The following ACYP2 variants were observed in gnomAD, a reference collection of about 807,000 sequenced individuals.
The protein encoded by ACYP2 is acylphosphatase 2, also known as acylphosphatase-2.
A neutral mutation model predicts 11.2 loss-of-function variants in ACYP2; 12 were observed. The observed-to-expected ratio is 1.08, with a 90% CI of 0.69 to 1.74. The LOEUF (loss-of-function observed/expected upper bound fraction) is 1.74, where lower values mean the gene tolerates loss of function less well. Among genes scored for constraint, ACYP2 ranks in the 40% most tolerant of loss-of-function variants. The pLI is 0.00. For synonymous variants in ACYP2, 43 were observed against 32.2 expected (o/e 1.33, Z -1.13); for missense variants, 134 against 101.9 (o/e 1.31, Z -1.35).
At chr2:54,211,483 A>C (rs1020674806) in intron 6 of ACYP2, among the ~76,000 whole-genome samples, 1 of 152,196 alleles carries the variant, frequency 6.6e-6, no homozygotes, top group African/African-American at 2.4e-5. Flanking sequence ...AATCCCATCT[A>C]CTTGGTATCC....
At chr2:54,177,462 C>G (rs748256544) in intron 6 of ACYP2, among the ~76,000 whole-genome samples, 7 of 152,160 alleles carry the variant, frequency 4.6e-5, no homozygotes, top group South Asian at 4.1e-4. Flanking sequence ...TGGGGTGCTT[C>G]ATCAGCTCCC....
intron 6 of ACYP2, among the ~76,000 whole-genome samples, chr2:54,248,703 C>T (rs896759565): frequency 8.6e-5 from 13 of 151,900 alleles, no homozygotes; most frequent in Non-Finnish European, 1.6e-4. Flanking sequence ...TACTCATCAC[C>T]GAAGAAAAGA....
chr2:54,117,064 G>A (rs1341599158), intron 4 of ACYP2, among the ~76,000 whole-genome samples: 1 of 152,050 alleles, frequency 6.6e-6, no homozygotes, highest in Non-Finnish European at 1.5e-5. Context: ...CTAGAGGCGA[G>A]GAGAACGAGG....
At chr2:54,113,178 T>C (rs1237658962) in intron 4 of ACYP2, among the ~76,000 whole-genome samples, 1 of 152,154 alleles carries the variant, frequency 6.6e-6, no homozygotes, top group Non-Finnish European at 1.5e-5. Context: ...AATGCTATTA[T>C]ACTGTATTGT....
At chr2:54,144,158 A>C (rs990937287) in intron 6 of ACYP2, among the ~76,000 whole-genome samples, 1 of 151,772 alleles carries the variant, frequency 6.6e-6, no homozygotes, top group Non-Finnish European at 1.5e-5. Context: ...TTTTTTGTGG[A>C]GGTGAGGTCT....
At chr2:54,130,814 A>G (rs1367244842) in intron 4 of ACYP2, among the ~76,000 whole-genome samples, 1 of 152,160 alleles carries the variant, frequency 6.6e-6, no homozygotes, top group Non-Finnish European at 1.5e-5. Context: ...GCCTTTGAGC[A>G]TGCTCTCCTA....
chr2:54,115,569 T>C, intron 4 of ACYP2, 46 bp from the exon 1 acceptor site: 1 of 1,529,248 alleles, frequency 6.5e-7, no homozygotes, highest in Non-Finnish European at 8.8e-7. Context: ...CCCGGCGCGC[T>C]AGCGTCCGGG....
At chr2:54,047,091 A>G (rs1222304460) in intron 2 of ACYP2, among the ~76,000 whole-genome samples, 3 of 152,236 alleles carry the variant, frequency 2.0e-5, no homozygotes, top group African/African-American at 4.8e-5. Flanking sequence ...AAAGGCACCA[A>G]GGCACTAAGG....
intron 3 of ACYP2, among the ~76,000 whole-genome samples, chr2:54,054,171 C>T (rs1292288551): frequency 6.6e-6 from 1 of 152,128 alleles, no homozygotes; most frequent in African/African-American, 2.4e-5. Context: ...GGGTTTAAGA[C>T]GTTTGCTAGA....
intron 4 of ACYP2, among the ~76,000 whole-genome samples, chr2:54,058,070 T>C (rs1478091297): frequency 6.6e-6 from 1 of 152,166 alleles, no homozygotes; most frequent in African/African-American, 2.4e-5. Context: ...TATTGGTCCC[T>C]GAGGGAGGTA....
chr2:54,207,350 A>G lies in ACYP2; in HGVS notation c.404+68602A>G, dbSNP rs559020620. On this transcript the variant is annotated intron_variant, in intron 6 of 6. Coordinates refer to ENST00000607452, the MANE Select transcript of ACYP2 (RefSeq NM_001320586.2). ...AAGCCTGGAAATGGTTAGAACTTCTATGTTGTAGTCTGGAGGCAGAATTTC... is the reference window on the plus strand; with the variant it reads ...AAGCCTGGAAATGGTTAGAACTTCTGTGTTGTAGTCTGGAGGCAGAATTTC... Among the ~76,000 whole-genome samples, 19 of 152,210 alleles carry G rather than the reference A, an allele frequency of 1.2e-4. No individual in the cohort carries two copies. In the East Asian group the frequency reaches 1.4e-3, roughly 11 times the overall value.
chr2:53,980,736 G>A (rs891862393), intron 2 of ACYP2, among the ~76,000 whole-genome samples: 2 of 151,498 alleles, frequency 1.3e-5, no homozygotes, highest in African/African-American at 2.4e-5. Context: ...CATGGTAAGC[G>A]CCCTGTATAG....
intron 4 of ACYP2, among the ~76,000 whole-genome samples, chr2:54,119,554 C>A (rs564368221): frequency 1.3e-5 from 2 of 152,112 alleles, no homozygotes; most frequent in South Asian, 4.2e-4. Context: ...GGAAACTATT[C>A]CCAGTGAAAA....
chr2:54,122,485 T>C (rs1227534004), intron 4 of ACYP2, among the ~76,000 whole-genome samples: 1 of 152,164 alleles, frequency 6.6e-6, no homozygotes. Flanking sequence ...CATATCAGCT[T>C]TCCTTCTCTT....
At chr2:54,005,961 T>C (rs568409250) in intron 2 of ACYP2, among the ~76,000 whole-genome samples, 2 of 152,084 alleles carry the variant, frequency 1.3e-5, no homozygotes, top group African/African-American at 2.4e-5. Flanking sequence ...ATCATAAACA[T>C]GGTGTATTTG....
intron 6 of ACYP2, among the ~76,000 whole-genome samples, chr2:54,268,191 A>G (rs1334482802): frequency 6.6e-6 from 1 of 152,182 alleles, no homozygotes; most frequent in African/African-American, 2.4e-5. Context: ...TTCATTTTCA[A>G]AAGTTTAAAT....
intron 6 of ACYP2, among the ~76,000 whole-genome samples, chr2:54,230,862 C>T (rs1303363836): frequency 1.3e-4 from 18 of 137,308 alleles, no homozygotes; most frequent in African/African-American, 4.7e-4. Flanking sequence ...CAAAGTCTTG[C>T]TCTTGTCCCC....
At chr2:53,971,596 T>G (rs1671121949) in intron 1 of ACYP2, among the ~76,000 whole-genome samples, 1 of 152,190 alleles carries the variant, frequency 6.6e-6, no homozygotes, top group Non-Finnish European at 1.5e-5. Flanking sequence ...ATAGAAAGTT[T>G]AACCTGGTTT....
intron 6 of ACYP2, among the ~76,000 whole-genome samples, chr2:54,150,828 G>A (rs1682129602): frequency 6.7e-6 from 1 of 148,874 alleles, no homozygotes; most frequent in Non-Finnish European, 1.5e-5. Context: ...TGCAAGCTCC[G>A]CCTCCCGGGT....
Sources: gnomAD v4.1 joint callset for allele counts (sites outside exome capture counted in the v4.1 genomes callset) on GRCh38, gnomAD v4.1.1 for gene constraint, MANE v1.5 for transcripts, NCBI Gene and HGNC (gene_info 2026-07-23, HGNC 2026-07-21) for gene names.